Variants in KANK1 observed in about 807,000 individuals in gnomAD.
The protein encoded by KANK1 is KN motif and ankyrin repeat domains 1.
In KANK1, 109 loss-of-function variants were observed where a neutral mutation model predicts 106.2. The observed-to-expected ratio is 1.03, with a 90% CI of 0.88 to 1.20. KANK1 has a LOEUF of 1.20. Ranked by LOEUF, KANK1 falls within the 50% of genes most tolerant of loss-of-function variation. The pLI, the probability that KANK1 is intolerant of heterozygous loss-of-function variation, is 0.00. For missense variants in KANK1, 2,399 were observed against 1,710.7 expected, an observed-to-expected ratio of 1.40 and a Z score of -7.10; for synonymous variants, 873 against 652.2, an observed-to-expected ratio of 1.34 and a Z score of -5.16.
intron 2 of KANK1, among the ~76,000 whole-genome samples, chr9:697,740 A>G (rs1478437483): frequency 2.0e-5 from 3 of 152,188 alleles, no homozygotes; most frequent in East Asian, 3.8e-4. Flanking sequence ...TGTTACTATC[A>G]TTAATCATAT....
At chr9:511,575 C>CACTA (rs148426659) in intron 1 of KANK1, among the ~76,000 whole-genome samples, 23,161 of 151,944 alleles carry the variant, frequency 0.15, 3,374 homozygotes, top group African/African-American at 0.39. Context: ...TTGAGGCAGT[C>CACTA]ACCTGTCCAG....
chr9:562,049 T>TC (rs1816608734), intron 1 of KANK1, among the ~76,000 whole-genome samples: 1 of 139,908 alleles, frequency 7.1e-6, no homozygotes, highest in African/African-American at 2.6e-5. Flanking sequence ...TTTCTTTTTT[T>TC]TTTTTTTTTT....
intron 1 of KANK1, among the ~76,000 whole-genome samples, chr9:521,447 G>C (rs542986599): frequency 1.3e-5 from 2 of 151,676 alleles, no homozygotes; most frequent in East Asian, 1.9e-4. Context: ...TTCTTCCTGA[G>C]CTCTTAACCT....
intron 1 of KANK1, among the ~76,000 whole-genome samples, chr9:651,081 C>A (rs1206159659): frequency 6.6e-6 from 1 of 152,142 alleles, no homozygotes; most frequent in African/African-American, 2.4e-5. Flanking sequence ...AAAAAGTCCT[C>A]ATCTGTGAAA....
chr9:632,759 G>A (rs576220068), intron 1 of KANK1, among the ~76,000 whole-genome samples: 69 of 151,170 alleles, frequency 4.6e-4, no homozygotes, highest in African/African-American at 1.5e-3. Context: ...GTGAGATCTC[G>A]GCTCACTGCA....
intron 2 of KANK1, chr9:473,160 T>C (rs1378609720): frequency 1.3e-5 from 2 of 152,234 alleles, no homozygotes; most frequent in African/African-American, 4.8e-5. Context: ...GCTCACCTGA[T>C]CCTCACAACA....
At chr9:609,172 A>G (rs1830016427) in intron 1 of KANK1, among the ~76,000 whole-genome samples, 1 of 152,182 alleles carries the variant, frequency 6.6e-6, no homozygotes, top group African/African-American at 2.4e-5. Context: ...ATTATTTACC[A>G]CATTATTAAA....
intron 3 of KANK1, among the ~76,000 whole-genome samples, chr9:473,749 G>A (rs914526695): frequency 1.3e-5 from 2 of 151,844 alleles, no homozygotes; most frequent in African/African-American, 4.8e-5. Flanking sequence ...CACCAGGGTG[G>A]AATGCAGTGG....
intron 1 of KANK1, among the ~76,000 whole-genome samples, chr9:565,614 G>A (rs570530438): frequency 6.6e-6 from 1 of 152,296 alleles, no homozygotes; most frequent in East Asian, 1.9e-4. Context: ...TGCCATCATA[G>A]GAGTGTGGAA....
chr9:530,955 CAATA>C (rs1345688812), intron 1 of KANK1, among the ~76,000 whole-genome samples: 1 of 151,918 alleles, frequency 6.6e-6, no homozygotes, highest in Non-Finnish European at 1.5e-5. Flanking sequence ...GACAACATCT[CAATA>C]AAATAAAATA....
At chr9:714,047 TG>T (rs2131013073) in intron 3 of KANK1, among the ~76,000 whole-genome samples, 1 of 152,072 alleles carries the variant, frequency 6.6e-6, no homozygotes, top group South Asian at 2.1e-4. Flanking sequence ...GAGACCAGCC[TG>T]GGCAACATAG....
intron 1 of KANK1, among the ~76,000 whole-genome samples, chr9:530,435 T>A (rs1157967311): frequency 6.6e-6 from 1 of 152,212 alleles, no homozygotes; most frequent in African/African-American, 2.4e-5. Flanking sequence ...TTTTCCCAGA[T>A]GGCTACTGGT....
intron 3 of KANK1, among the ~76,000 whole-genome samples, chr9:718,803 C>T (rs1463882410): frequency 2.0e-5 from 3 of 152,138 alleles, no homozygotes; most frequent in African/African-American, 4.8e-5. Flanking sequence ...GTAGAAACAA[C>T]ATATTTGTCC....
chr9:619,963 C>T (rs575166349), intron 1 of KANK1, among the ~76,000 whole-genome samples: 23 of 152,010 alleles, frequency 1.5e-4, no homozygotes, highest in African/African-American at 4.3e-4. Context: ...ATGGCAAAAC[C>T]CTGTGTCTAC....
intron 1 of KANK1, among the ~76,000 whole-genome samples, chr9:569,377 A>G (rs1307290439): frequency 6.6e-6 from 1 of 151,948 alleles, no homozygotes; most frequent in African/African-American, 2.4e-5. Context: ...GAATGGATTA[A>G]TCCATTCATG....
At chr9:503,047 C>A (rs954819727), upstream of KANK1, among the ~76,000 whole-genome samples, 1 of 119,736 alleles carries the variant, frequency 8.4e-6, no homozygotes. Context: ...CAGAATTTCA[C>A]TGTATTGCCC....
intron 2 of KANK1, among the ~76,000 whole-genome samples, chr9:687,873 CTT>C (rs886688064): frequency 7.2e-5 from 11 of 152,124 alleles, no homozygotes; most frequent in African/African-American, 2.7e-4. Context: ...ATCTTATAAA[CTT>C]GAGTGTTTTA....
At chr9:679,631 G>C (rs2138998230) in intron 2 of KANK1, among the ~76,000 whole-genome samples, 1 of 152,134 alleles carries the variant, frequency 6.6e-6, no homozygotes, top group African/African-American at 2.4e-5. Flanking sequence ...ACCAGGCTGG[G>C]GTTGAACTCA....
intron 1 of KANK1, among the ~76,000 whole-genome samples, chr9:510,691 C>T (rs552926800): frequency 6.2e-4 from 94 of 152,064 alleles, no homozygotes; most frequent in African/African-American, 2.1e-3. Flanking sequence ...TGGAAGATAC[C>T]GAAAATAAAT....
Sources: allele counts gnomAD v4.1 joint callset (sites outside exome capture counted in the v4.1 genomes callset), GRCh38; gene constraint gnomAD v4.1.1; transcripts MANE v1.5; gene names NCBI Gene and HGNC (gene_info 2026-07-23, HGNC 2026-07-21).